Variants in ZDHHC14 observed in about 807,000 individuals in gnomAD.
ZDHHC14 encodes the protein palmitoyltransferase ZDHHC14.
A neutral mutation model predicts 47.7 loss-of-function variants in ZDHHC14; 16 were observed. That is an observed-to-expected ratio of 0.34 (90% CI 0.23 to 0.51). The LOEUF is 0.51. Among genes scored for constraint, ZDHHC14 ranks in the 20% least tolerant of loss-of-function variants. The pLI is 0.97. For synonymous variants in ZDHHC14, 293 were observed against 278.9 expected, an observed-to-expected ratio of 1.05 and a Z score of -0.50; for missense variants, 515 against 662.5, an observed-to-expected ratio of 0.78 and a Z score of 2.44.
chr6:157,453,101 T>G (rs1778840384), intron 1 of ZDHHC14, among the ~76,000 whole-genome samples: 2 of 152,152 alleles, frequency 1.3e-5, no homozygotes, highest in South Asian at 2.1e-4. Flanking sequence ...AGATTGCCTG[T>G]CCTACAAATG....
Position 157,487,681 on chromosome 6 carries a change from A to G in ZDHHC14, c.246-54904A>G, listed in dbSNP as rs77390409. 3.9e-5 allele frequency among the ~76,000 whole-genome samples: 6 copies of G among 152,200 alleles called. No individual in the cohort carries two copies. In the East Asian group the frequency reaches 7.7e-4, roughly 20 times the overall value. ...CTTCCAGCAGCACAAGGATTCATGC[A>G]TGGTTGGAATCAGAGCTTTTCTAAA... On this transcript the variant is annotated intron_variant, in intron 1 of 8. Coordinates refer to ENST00000359775, the MANE Select transcript of ZDHHC14 (RefSeq NM_024630.3).
chr6:157,413,883 G>T (rs1409162214), intron 1 of ZDHHC14, among the ~76,000 whole-genome samples: 2 of 151,460 alleles, frequency 1.3e-5, no homozygotes, highest in East Asian at 3.9e-4. Context: ...GAAAGGCCGG[G>T]ACGACACTGC....
At chr6:157,648,878 A>C (rs1727250446) in intron 7 of ZDHHC14, among the ~76,000 whole-genome samples, 1 of 152,170 alleles carries the variant, frequency 6.6e-6, no homozygotes, top group African/African-American at 2.4e-5. Flanking sequence ...AGCCAGGGAG[A>C]GCTGGCCTCT....
At chr6:157,590,379 G>T (rs140263749) in intron 2 of ZDHHC14, among the ~76,000 whole-genome samples, 5 of 152,134 alleles carry the variant, frequency 3.3e-5, no homozygotes, top group African/African-American at 1.2e-4. Flanking sequence ...CAGGTCCAGG[G>T]CCCCCTGCTG....
intron 1 of ZDHHC14, among the ~76,000 whole-genome samples, chr6:157,424,716 G>C (rs576061911): frequency 2.2e-4 from 34 of 152,296 alleles, no homozygotes; most frequent in African/African-American, 7.9e-4. Flanking sequence ...TTCGATTAAT[G>C]ATTAAATGAA....
At chr6:157,579,911 T>C (rs1783453352) in intron 2 of ZDHHC14, among the ~76,000 whole-genome samples, 1 of 152,202 alleles carries the variant, frequency 6.6e-6, no homozygotes. Context: ...TGGACAGGAC[T>C]TCCAGTACTA....
At chr6:157,600,807 G>A (rs757350701) in intron 3 of ZDHHC14, among the ~76,000 whole-genome samples, 9 of 152,004 alleles carry the variant, frequency 5.9e-5, no homozygotes, top group African/African-American at 1.5e-4. Context: ...CACACCCCCC[G>A]GGTTGCTCCA....
At chr6:157,593,558 A>G (rs1784002558) in intron 3 of ZDHHC14, among the ~76,000 whole-genome samples, 1 of 152,224 alleles carries the variant, frequency 6.6e-6, no homozygotes, top group African/African-American at 2.4e-5. Context: ...TTCTGGGGAC[A>G]GGAAAAGAGG....
intron 1 of ZDHHC14, among the ~76,000 whole-genome samples, chr6:157,485,683 T>C (rs538785834): frequency 9.4e-4 from 142 of 151,628 alleles, no homozygotes; most frequent in African/African-American, 3.3e-3. Context: ...ATTTCTGATT[T>C]TTTTTTTTTT....
chr6:157,629,922 A>C (rs1412852945), intron 4 of ZDHHC14: 2 of 152,248 alleles, frequency 1.3e-5, no homozygotes, highest in Non-Finnish European at 2.9e-5. Flanking sequence ...TTGTTGACAC[A>C]ACTAGGGAAG....
At chr6:157,444,157 C>T (rs1216068096) in intron 1 of ZDHHC14, among the ~76,000 whole-genome samples, 1 of 152,186 alleles carries the variant, frequency 6.6e-6, no homozygotes, top group Non-Finnish European at 1.5e-5. Flanking sequence ...ATTAAACTGA[C>T]TCCAAATTAT....
intron 5 of ZDHHC14, among the ~76,000 whole-genome samples, chr6:157,633,486 G>A (rs528011201): frequency 1.4e-4 from 22 of 152,234 alleles, no homozygotes; most frequent in Admixed American, 1.0e-3. Flanking sequence ...AAAGAAAAGC[G>A]TGTGCCCATT....
intron 2 of ZDHHC14, among the ~76,000 whole-genome samples, chr6:157,567,299 C>T (rs1045377975): frequency 6.6e-6 from 1 of 152,060 alleles, no homozygotes; most frequent in African/African-American, 2.4e-5. Context: ...GCAATGATTC[C>T]GGGAGCCCCA....
At chr6:157,430,331 AAG>A (rs1583638035) in intron 1 of ZDHHC14, among the ~76,000 whole-genome samples, 1 of 147,138 alleles carries the variant, frequency 6.8e-6, no homozygotes, top group East Asian at 2.0e-4. Flanking sequence ...AAAAAAAAAA[AAG>A]CATACATTTA....
chr6:157,456,552 A>C (rs1778922081), intron 1 of ZDHHC14, among the ~76,000 whole-genome samples: 1 of 152,194 alleles, frequency 6.6e-6, no homozygotes, highest in East Asian at 1.9e-4. Flanking sequence ...GAACACCCTT[A>C]AAACTGTCAA....
At chr6:157,528,664 G>A (rs1449718398) in intron 1 of ZDHHC14, among the ~76,000 whole-genome samples, 4 of 151,972 alleles carry the variant, frequency 2.6e-5, no homozygotes, top group East Asian at 1.9e-4. Context: ...CCCGGGAGGC[G>A]GAGCTTGTAG....
intron 8 of ZDHHC14, among the ~76,000 whole-genome samples, chr6:157,656,914 GGTGGGATT>G (rs1162596049): frequency 1.3e-5 from 2 of 152,132 alleles, no homozygotes; most frequent in African/African-American, 4.8e-5. Flanking sequence ...ACAGAATCAT[GGTGGGATT>G]GAGTAAGGAC....
At chr6:157,513,012 G>T (rs1780549728) in intron 1 of ZDHHC14, among the ~76,000 whole-genome samples, 1 of 152,180 alleles carries the variant, frequency 6.6e-6, no homozygotes, top group South Asian at 2.1e-4. Context: ...GCTGAAAAAG[G>T]CATGTGTATC....
At chr6:157,578,576 C>T (rs900245703) in intron 2 of ZDHHC14, among the ~76,000 whole-genome samples, 9 of 152,284 alleles carry the variant, frequency 5.9e-5, no homozygotes, top group Admixed American at 2.0e-4. Flanking sequence ...TGTGGCCCCA[C>T]CCAAATCTCA....
Sources: allele counts gnomAD v4.1 joint callset (sites outside exome capture counted in the v4.1 genomes callset), GRCh38; gene constraint gnomAD v4.1.1; transcripts MANE v1.5; gene names NCBI Gene and HGNC (gene_info 2026-07-23, HGNC 2026-07-21).